NXN: variants seen among roughly 807,000 people sequenced by gnomAD.
NXN encodes the protein nucleoredoxin 1.
NXN carries 16 observed loss-of-function variants against 48.6 expected under a neutral mutation model. The ratio of observed to expected loss-of-function variants is 0.33; its 90% CI spans 0.22 to 0.50. The LOEUF (loss-of-function observed/expected upper bound fraction) is 0.50, where lower values mean the gene tolerates loss of function less well. Among genes scored for constraint, NXN ranks in the 20% least tolerant of loss-of-function variants. The pLI is 0.98. For synonymous variants in NXN, 281 were observed against 269.6 expected (o/e 1.04, Z -0.41); for missense variants, 492 against 605.5 (o/e 0.81, Z 1.97).
At chr17:831,393 G>A (rs1175880117) in intron 1 of NXN, among the ~76,000 whole-genome samples, 1 of 152,056 alleles carries the variant, frequency 6.6e-6, no homozygotes, top group Non-Finnish European at 1.5e-5. Context: ...TTGAGCACTG[G>A]GGAGGTGGGT....
At chr17:889,817 T>C (rs2068396819) in intron 1 of NXN, among the ~76,000 whole-genome samples, 1 of 152,144 alleles carries the variant, frequency 6.6e-6, no homozygotes, top group African/African-American at 2.4e-5. Context: ...TTGTTGGCTG[T>C]TGCAGAATGC....
intron 1 of NXN, among the ~76,000 whole-genome samples, chr17:926,377 G>A (rs571785529): frequency 6.6e-6 from 1 of 152,024 alleles, no homozygotes; most frequent in South Asian, 2.1e-4. Context: ...TATAAAGACA[G>A]GGTCTTGTCA....
rs535951776 is a variant in NXN, at chr17:863,075, G to A, written c.361-36997C>T. On this transcript the variant is annotated intron_variant, in intron 1 of 7. Coordinates refer to ENST00000336868, the MANE Select transcript of NXN (RefSeq NM_022463.5). ...GGGACCCCCACATATTCCAAAATCCGCATATACTGAAGTCCCACAATCAGC... is the reference window on the plus strand; with the variant it reads ...GGGACCCCCACATATTCCAAAATCCACATATACTGAAGTCCCACAATCAGC... Among the ~76,000 whole-genome samples the A allele has an allele frequency of 1.2e-4, 19 of 152,226 alleles. No individual in the cohort carries two copies. In the South Asian group the frequency reaches 1.7e-3, roughly 13 times the overall value.
intron 1 of NXN, among the ~76,000 whole-genome samples, chr17:888,016 C>A (rs73293323): frequency 7.2e-5 from 11 of 152,120 alleles, no homozygotes; most frequent in Admixed American, 6.6e-4. Context: ...ACACGGGTCA[C>A]GGTTGAGAAG....
At chr17:819,391 T>G (rs1371230983) in intron 5 of NXN, 48 bp downstream of exon 5, 2 of 1,337,126 alleles carry the variant, frequency 1.5e-6, no homozygotes, top group Middle Eastern at 1.8e-4. Flanking sequence ...TGAGCTCAGG[T>G]GAGCAGGTTT....
At chr17:960,300 T>C (rs1380078817) in intron 1 of NXN, among the ~76,000 whole-genome samples, 1 of 152,198 alleles carries the variant, frequency 6.6e-6, no homozygotes, top group Non-Finnish European at 1.5e-5. Context: ...ATGCAGTATG[T>C]GAAGTATAGG....
chr17:855,378 G>T (rs2144762047), intron 1 of NXN, among the ~76,000 whole-genome samples: 1 of 152,308 alleles, frequency 6.6e-6, no homozygotes, highest in African/African-American at 2.4e-5. Flanking sequence ...CTCCAGGACA[G>T]CTTTGCTCAG....
At chr17:859,214 A>G (rs1356527986) in intron 1 of NXN, among the ~76,000 whole-genome samples, 1 of 152,036 alleles carries the variant, frequency 6.6e-6, no homozygotes, top group East Asian at 1.9e-4. Context: ...CCACAACCAT[A>G]TTTCATGGGC....
intron 1 of NXN, among the ~76,000 whole-genome samples, chr17:918,376 C>A (rs1457633141): frequency 6.6e-6 from 1 of 152,168 alleles, no homozygotes; most frequent in African/African-American, 2.4e-5. Flanking sequence ...CGAGTTTCAT[C>A]GCAGCGTTTC....
At chr17:829,624 C>T (rs138221266) in intron 1 of NXN, among the ~76,000 whole-genome samples, 1 of 151,878 alleles carries the variant, frequency 6.6e-6, no homozygotes, top group Non-Finnish European at 1.5e-5. Flanking sequence ...CTCCCCTAGG[C>T]CCCCACCTGC....
rs1287603802 is a variant in NXN at position 823,553 on chromosome 17, C to CA, written c.612+78dup. 6.4e-6 allele frequency: 10 copies of CA among 1,559,274 alleles called. No individual in the cohort carries two copies. In the African/African-American group the frequency reaches 1.2e-4, roughly 19 times the overall value. On this transcript the variant is annotated intron_variant, in intron 3 of 7. Transcript: ENST00000336868. ...AATTCCTGCCTGGGTGTCTCACCCC[C>CA]AGAAGCCAACCACAGCTGGGCCTGC...
chr17:803,535 C>T, intron 7 of NXN, 147 bp downstream of exon 7: 2 of 986,936 alleles, frequency 2.0e-6, no homozygotes, highest in East Asian at 2.5e-5. Flanking sequence ...GGCTACCTTT[C>T]CTTGCCACAT....
intron 1 of NXN, among the ~76,000 whole-genome samples, chr17:966,642 C>T (rs1327179255): frequency 6.6e-6 from 1 of 152,054 alleles, no homozygotes; most frequent in African/African-American, 2.4e-5. Flanking sequence ...CCACCACGCC[C>T]GGCTGGTGTT....
intron 3 of NXN, 30 bp downstream of exon 3, chr17:823,602 G>A (rs1398409658): frequency 6.2e-7 from 1 of 1,613,246 alleles, no homozygotes; most frequent in South Asian, 1.1e-5. Context: ...GCTTCCTTCT[G>A]TCTGAGCCAA....
At position 977,247 on chromosome 17, in the gene NXN, A is replaced by G. The variant is rs554490695; in HGVS notation, c.360+2072T>C. Among the ~76,000 whole-genome samples the G allele has an allele frequency of 7.9e-5, 12 of 152,350 alleles. No homozygotes were observed. In the East Asian group the frequency reaches 2.3e-3, roughly 29 times the overall value. The stretch of plus-strand genomic sequence containing the variant: ...CTGGACTGGTTTTAGAGAATAAAGT[A>G]TAGGATGTGAGTCAGAAAAACTCTG... On this transcript the variant is annotated intron_variant, in intron 1 of 7. Transcript: ENST00000336868.
rs116221645 is a variant in NXN at position 940,148 on chromosome 17, A to G, written c.360+39171T>C. 9.8e-3 allele frequency among the ~76,000 whole-genome samples: 1,470 copies of G among 149,852 alleles called. 24 individuals are homozygous for G. The highest frequency in any genetic ancestry group is 0.034 in the African/African-American group (1,392 of 40,752). The stretch of plus-strand genomic sequence containing the variant: ...GAGATCGAGGTGGGGGGGTCTCAGT[A>G]TGTTCCCCAGGCTGGCCTCAGGTGA... On this transcript the variant is annotated intron_variant, in intron 1 of 7. Transcript: ENST00000336868.
intron 1 of NXN, among the ~76,000 whole-genome samples, chr17:892,651 G>A (rs374036567): frequency 1.3e-5 from 2 of 152,100 alleles, no homozygotes; most frequent in African/African-American, 2.4e-5. Flanking sequence ...TGGGGTGTGT[G>A]GGGGGGTGCT....
In NXN at chr17:839,797, T is replaced by TAAA. The variant is rs553678056; in HGVS notation, c.361-13722_361-13720dup. 4.2e-4 allele frequency among the ~76,000 whole-genome samples: 24 copies of TAAA among 57,266 alleles called. 3 individuals are homozygous for TAAA. The highest frequency in any genetic ancestry group is 3.2e-3 in the East Asian group (4 of 1,244). The allele number at this position is 57,266 out of a possible 152,430, so 37.6% of individuals were successfully genotyped here. ...CAGCCTGGCGACAGAGAGACCTTGT[T>TAAA]AAAAAAAAAAAAAAAAAGGCCAGGC... is the stretch of plus-strand genomic sequence containing the variant. On this transcript the variant is annotated intron_variant, in intron 1 of 7. Coordinates refer to ENST00000336868, the MANE Select transcript of NXN (RefSeq NM_022463.5).
intron 5 of NXN, among the ~76,000 whole-genome samples, chr17:810,242 G>A (rs1228681498): frequency 7.1e-5 from 9 of 126,926 alleles, no homozygotes; most frequent in African/African-American, 2.4e-4. Flanking sequence ...TGGCGTGCAC[G>A]TTACGAGTCT....
Sources: allele counts gnomAD v4.1 joint callset (sites outside exome capture counted in the v4.1 genomes callset), GRCh38; gene constraint gnomAD v4.1.1; transcripts MANE v1.5; gene names NCBI Gene and HGNC (gene_info 2026-07-23, HGNC 2026-07-21).